Variants in ZAN observed in about 807,000 individuals in gnomAD.
ZAN encodes the protein zonadhesin (gene/pseudogene).
In ZAN, 260 loss-of-function variants were observed where a neutral mutation model predicts 286.2. That is an observed-to-expected ratio of 0.91 (90% CI 0.82 to 1.01). The LOEUF is 1.01. ZAN is among the 50% of genes least tolerant of loss of function. The pLI is 0.00. For missense variants in ZAN, 3,410 were observed against 3,639.2 expected (o/e 0.94, Z 1.62); for synonymous variants, 1,368 against 1,417.5 (o/e 0.97, Z 0.79).
intron 11 of ZAN, among the ~76,000 whole-genome samples, chr7:100,749,410 G>GC (rs1273296195): frequency 6.6e-6 from 1 of 150,406 alleles, no homozygotes; most frequent in East Asian, 2.0e-4. Flanking sequence ...GGAGGCCAAG[G>GC]AGGGCGGATC....
At chr7:100,765,306 C>T (rs767356022) in intron 22 of ZAN, 46 bp from the exon 23 acceptor site, 15 of 1,598,992 alleles carry the variant, frequency 9.4e-6, no homozygotes, top group South Asian at 4.5e-5. Flanking sequence ...CACCCAGCCC[C>T]GTGGCTTGTT....
rs989992485 is a variant in ZAN, at chr7:100,779,523, C to A, written c.6395C>A (p.Ala2132Asp). Residue 2132 changes from alanine to aspartate, a missense_variant, in exon 35 of 48, where the codon GCC (alanine) becomes GAC (aspartate). This residue lies in a region of ZAN where 1,289 missense variants were observed against 1,314.3 expected (regional missense o/e 0.98). Transcript: ENST00000613979. ...AACCCGAGTGGAAACTGCAGGGCGG[C>A]CGACCTCCGCAGGGCGCGGGAAAAG... ...QENPSGNCRA[A>D]DLRRAREKCE... The A allele has an allele frequency of 6.2e-7, 1 of 1,607,120 alleles. No individual in the cohort carries two copies. The highest frequency in any genetic ancestry group is 1.1e-5 in the South Asian group (1 of 88,862).
rs758836162 is a variant in ZAN at position 100,762,259 on chromosome 7, G to A, written c.3887G>A (p.Gly1296Asp). 2 of 1,613,524 alleles carry A rather than the reference G, an allele frequency of 1.2e-6. No individual in the cohort carries two copies. Among genetic ancestry groups the A allele is most frequent in the Admixed American group, 3.3e-5 (2 of 59,910 alleles). Reference sequence around the variant, plus strand: ...TGTGGTTTGTGTGGGAACTATGACGGCAACAGTGACAATGACCACCTGAAG... The same window carrying A: ...TGTGGTTTGTGTGGGAACTATGACGACAACAGTGACAATGACCACCTGAAG... ...KLCGLCGNYDGNSDNDHLKLD... is the reference protein window; with the variant it reads ...KLCGLCGNYDDNSDNDHLKLD... Residue 1296 changes from glycine (G) to aspartate (D), a missense_variant, in exon 20 of 48, where the codon GGC becomes GAC. Transcript: ENST00000613979.
At position 100,737,473 on chromosome 7, in the gene ZAN, G is replaced by A. The variant is rs1807397529; in HGVS notation, c.613+124G>A. The A allele has an allele frequency of 4.6e-5, 29 of 631,776 alleles. 5 individuals are homozygous for A. Among genetic ancestry groups the A allele is most frequent in the Non-Finnish European group, 6.7e-5 (26 of 387,100 alleles). The allele number at this position is 631,776 out of a possible 1,614,324, so 39.1% of individuals were successfully genotyped here. On this transcript the variant is annotated intron_variant, in intron 6 of 47. Coordinates refer to ENST00000613979, the MANE Select transcript of ZAN (RefSeq NM_003386.3). ...TGTAATCCCAGCACTTTGGGAGGCC[G>A]AGGCGGGCGGATCACGAGGTCAAGA...
Position 100,758,313 on chromosome 7 carries a change from A to C in ZAN, c.3421A>C (p.Lys1141Gln), listed in dbSNP as rs560427132. 1 of 1,613,214 alleles carries C rather than the reference A, an allele frequency of 6.2e-7. No homozygotes were observed. Among genetic ancestry groups the C allele is most frequent in the South Asian group, 1.1e-5 (1 of 91,070 alleles). The change falls in exon 16 of 48, where the codon AAG becomes CAG. Residue 1141 changes from lysine to glutamine, a missense_variant. This residue lies in a region of ZAN where 1,042 missense variants were observed against 1,058.0 expected (regional missense o/e 0.98). Coordinates refer to ENST00000613979, the MANE Select transcript of ZAN (RefSeq NM_003386.3). ...QCGTHTVCQL[K>Q]NGQYGCHPYA... ...TGGGACACACACCGTGTGCCAGCTT[A>C]AGAATGGCCAGTATGGATGCCACCC...
At position 100,786,965 on chromosome 7, in the gene ZAN, C is replaced by T. The variant is rs530523270; in HGVS notation, c.6979+824C>T. 2.0e-3 allele frequency among the ~76,000 whole-genome samples: 310 copies of T among 152,018 alleles called. 1 individual carries two copies. Among genetic ancestry groups the T allele is most frequent in the Middle Eastern group, 3.4e-3 (1 of 294 alleles). On this transcript the variant is annotated intron_variant, in intron 37 of 47. Transcript: ENST00000613979. ...TAGTCCCAGCTACTCAGGAGACTGA[C>T]GCAGGAGAATTGCTTGAGCTCAGGA...
In ZAN at chr7:100,797,585, C is replaced by G; in HGVS notation, c.8375C>G (p.Thr2792Arg). The G allele has an allele frequency of 6.2e-7, 1 of 1,613,756 alleles. No individual in the cohort carries two copies. Among genetic ancestry groups the G allele is most frequent in the African/African-American group, 1.3e-5 (1 of 74,890 alleles). ...TCCCCCATGCCTTCTAGAGAGAAAA[C>G]GCAGGAGGGAGACAGACTGGCCAGG... ...IYRTRRKREK[T>R]QEGDRLARLV... is the part of the protein sequence containing the mutation. Residue 2792 changes from threonine to arginine, a missense_variant, in exon 47 of 48, where the codon ACG becomes AGG. Physicochemically the swap from Thr to Arg is moderately conservative, Grantham distance 71 (BLOSUM62 -1). Transcript: ENST00000613979.
chr7:100,736,389 T>G, intron 3 of ZAN, 94 bp from the exon 4 acceptor site: 1 of 1,337,098 alleles, frequency 7.5e-7, no homozygotes, highest in Non-Finnish European at 1.1e-6. Context: ...CAGCTTTCTC[T>G]AAGTGTAGCA....
chr7:100,767,335 A>G (rs554590322), intron 25 of ZAN, 78 bp downstream of exon 25: 744 of 1,540,070 alleles, frequency 4.8e-4, no homozygotes, highest in Non-Finnish European at 5.7e-4. Flanking sequence ...CCTTGCCCGG[A>G]TGCCCACCTC....
chr7:100,796,044 C>T (rs957148946), intron 45 of ZAN, among the ~76,000 whole-genome samples: 6 of 152,050 alleles, frequency 3.9e-5, no homozygotes, highest in South Asian at 2.1e-4. Context: ...CACGCTACTG[C>T]GCTCCAGCCT....
rs753349565 is a variant in ZAN at position 100,752,826 on chromosome 7, C to A, written c.2721C>A (p.Thr907=). 10 of 1,595,876 alleles carry A rather than the reference C, an allele frequency of 6.3e-6. No individual in the cohort carries two copies. In the Admixed American group the frequency reaches 1.5e-4, roughly 24 times the overall value. Residue 907 remains threonine (T), a synonymous_variant, in exon 14 of 48, where the codon ACC becomes ACA. Coordinates refer to ENST00000613979, the MANE Select transcript of ZAN (RefSeq NM_003386.3). ...EKLTIPTEKP[T]ISPEKPTIST... ...TCACCATCCCCACAGAAAAACCCAC[C>A]ATCTCCCCAGAAAAACCCACCATCT...
At chr7:100,770,928 C>G (rs1453456559) in intron 28 of ZAN, among the ~76,000 whole-genome samples, 3 of 152,268 alleles carry the variant, frequency 2.0e-5, no homozygotes, top group East Asian at 3.9e-4. Flanking sequence ...CTCAGCTTCC[C>G]AAGTAGCTGG....
intron 7 of ZAN, among the ~76,000 whole-genome samples, chr7:100,741,532 T>C (rs1297166814): frequency 3.4e-5 from 1 of 29,104 alleles, no homozygotes; most frequent in Non-Finnish European, 8.7e-5. Flanking sequence ...CCCACCTCCC[T>C]CCCGGACGGG....
intron 7 of ZAN, among the ~76,000 whole-genome samples, chr7:100,745,792 G>A (rs1808179503): frequency 6.6e-6 from 1 of 151,784 alleles, no homozygotes; most frequent in African/African-American, 2.4e-5. Flanking sequence ...AGGAGGCTGT[G>A]GCAAAAGGAT....
intron 25 of ZAN, 130 bp downstream of exon 25, chr7:100,767,387 C>T: frequency 2.2e-6 from 3 of 1,341,012 alleles, no homozygotes; most frequent in East Asian, 4.9e-5. Flanking sequence ...GCAGCTGACC[C>T]AGACCCTCTT....
At chr7:100,794,643 G>A (rs762926736) in intron 44 of ZAN, among the ~76,000 whole-genome samples, 1 of 151,964 alleles carries the variant, frequency 6.6e-6, no homozygotes, top group African/African-American at 2.4e-5. Context: ...AGATCAGCCT[G>A]GGCAATATAG....
chr7:100,796,169 C>T (rs1251324759), intron 45 of ZAN, among the ~76,000 whole-genome samples: 1 of 152,094 alleles, frequency 6.6e-6, no homozygotes, highest in Admixed American at 6.6e-5. Flanking sequence ...CTCTCTGAAG[C>T]CCAGCTCCCC....
intron 11 of ZAN, among the ~76,000 whole-genome samples, chr7:100,749,450 C>A (rs1051804500): frequency 6.7e-6 from 1 of 150,292 alleles, no homozygotes; most frequent in African/African-American, 2.5e-5. Context: ...ACCATCCTGG[C>A]TAACACGGTG....
At chr7:100,765,604 C>T (rs1026159534) in intron 23 of ZAN, 50 bp downstream of exon 23, 28 of 1,537,290 alleles carry the variant, frequency 1.8e-5, no homozygotes, top group Non-Finnish European at 2.5e-5. Context: ...AGGGCCTGCT[C>T]CCTGCTCTCA....
Sources: gnomAD v4.1 joint callset for allele counts (sites outside exome capture counted in the v4.1 genomes callset) on GRCh38, gnomAD v4.1.1 for gene constraint, gnomAD v4.1.1 regional missense constraint, MANE v1.5 for transcripts, NCBI Gene and HGNC (gene_info 2026-07-23, HGNC 2026-07-21) for gene names.